The following ADK variants were observed in gnomAD, a reference collection of about 807,000 sequenced individuals.
The protein encoded by ADK is adenosine kinase.
In ADK, 24 loss-of-function variants were observed where a neutral mutation model predicts 44.7. The observed-to-expected ratio is 0.54, with a 90% CI of 0.39 to 0.76. ADK has a LOEUF of 0.76. Among genes scored for constraint, ADK ranks in the 30% least tolerant of loss-of-function variants. The pLI is 0.00. For missense variants in ADK, 321 were observed against 425.1 expected (o/e 0.76, Z 2.15); for synonymous variants, 128 against 142.6 (o/e 0.90, Z 0.73).
chr10:74,569,081 C>T (rs1850820756), intron 7 of ADK, among the ~76,000 whole-genome samples: 1 of 152,162 alleles, frequency 6.6e-6, no homozygotes, highest in African/African-American at 2.4e-5. Context: ...CCAGCTTCAT[C>T]CATGTCCCTA....
At chr10:74,575,544 A>G (rs1234685997) in intron 7 of ADK, among the ~76,000 whole-genome samples, 1 of 152,212 alleles carries the variant, frequency 6.6e-6, no homozygotes, top group South Asian at 2.1e-4. Context: ...TAATTCACTT[A>G]GTACCTACAT....
At chr10:74,180,584 T>C (rs867508336) in intron 1 of ADK, among the ~76,000 whole-genome samples, 1 of 150,704 alleles carries the variant, frequency 6.6e-6, no homozygotes, top group African/African-American at 2.5e-5. Context: ...TCAGCCTCTC[T>C]AGTAGCTGGG....
chr10:74,205,618 G>A lies in ADK; in HGVS notation c.140+4780G>A, dbSNP rs1211885480. ...GTGAACCTGGGAGGCGGAGGTTGCA[G>A]TAAGCTGAGATTGCACCACTGCACT... On this transcript the variant is annotated intron_variant, in intron 2 of 10. Coordinates refer to ENST00000539909, the MANE Select transcript of ADK (RefSeq NM_006721.4). Among the ~76,000 whole-genome samples, 3 of 142,326 alleles carry A rather than the reference G, an allele frequency of 2.1e-5. No individual in the cohort carries two copies. The Admixed American group carries it at 2.2e-4, about 10-fold the overall frequency. 93.4% of individuals were successfully genotyped at this position (142,326 alleles called of 152,430 possible). A position where few individuals can be genotyped will look rare whatever the true frequency, so the allele number is the denominator to read the frequency against.
At chr10:74,235,373 C>T (rs1195714444) in intron 3 of ADK, among the ~76,000 whole-genome samples, 1 of 152,062 alleles carries the variant, frequency 6.6e-6, no homozygotes, top group African/African-American at 2.4e-5. Context: ...CTCACTCTGT[C>T]GCCTAGACTG....
chr10:74,176,670 C>A (rs1842349853), intron 1 of ADK: 2 of 1,430,684 alleles, frequency 1.4e-6, no homozygotes, highest in South Asian at 1.5e-5. Context: ...CAGCCCTTCG[C>A]ACGGGGCGGA....
intron 6 of ADK, among the ~76,000 whole-genome samples, chr10:74,484,530 C>T (rs1472115626): frequency 6.6e-6 from 1 of 152,156 alleles, no homozygotes; most frequent in Non-Finnish European, 1.5e-5. Context: ...AATGTCAATT[C>T]TCCCTACAGT....
intron 6 of ADK, among the ~76,000 whole-genome samples, chr10:74,515,414 G>A (rs181161592): frequency 3.3e-5 from 5 of 152,268 alleles, no homozygotes; most frequent in Non-Finnish European, 5.9e-5. Flanking sequence ...TGAGACTGGG[G>A]CCACAAGGCT....
chr10:74,173,780 T>C lies in ADK; in HGVS notation c.65+22437T>C, dbSNP rs568499168. Among the ~76,000 whole-genome samples, 10 of 152,278 alleles carry C rather than the reference T, an allele frequency of 6.6e-5. No homozygotes were observed. In the South Asian group the frequency reaches 2.1e-3, roughly 32 times the overall value. On this transcript the variant is annotated intron_variant, in intron 1 of 10. Coordinates refer to ENST00000539909, the MANE Select transcript of ADK (RefSeq NM_006721.4). ...ATCAAAGGTAGGTGTTACCAAAGTA[T>C]GTTAAGCATGAGCAAAAGTGCATTT...
intron 6 of ADK, among the ~76,000 whole-genome samples, chr10:74,426,307 G>C (rs1341584796): frequency 1.3e-5 from 2 of 152,156 alleles, no homozygotes; most frequent in East Asian, 3.8e-4. Context: ...ATAATTTTGT[G>C]AAGGTTATTC....
chr10:74,579,287 A>G (rs752196547), intron 7 of ADK, among the ~76,000 whole-genome samples: 3 of 152,052 alleles, frequency 2.0e-5, no homozygotes, highest in Non-Finnish European at 4.4e-5. Context: ...ATATCTGATC[A>G]AGTGGTCTTG....
At position 74,189,867 on chromosome 10, in the gene ADK, C is replaced by CT. The variant is rs932962388; in HGVS notation, c.66-10887dup. ...ATAATATTTGGCCTTTTGTAGCTGG[C>CT]TTTTTTTTTTAACTAAGTATGTTTT... On this transcript the variant is annotated intron_variant, in intron 1 of 10. Coordinates refer to ENST00000539909, the MANE Select transcript of ADK (RefSeq NM_006721.4). 3.0e-4 allele frequency among the ~76,000 whole-genome samples: 45 copies of CT among 148,066 alleles called. No individual in the cohort carries two copies. In the South Asian group the frequency reaches 4.9e-3, roughly 16 times the overall value.
chr10:74,425,275 A>G (rs1028755522), intron 6 of ADK, among the ~76,000 whole-genome samples: 7 of 152,182 alleles, frequency 4.6e-5, no homozygotes, highest in African/African-American at 1.7e-4. Flanking sequence ...TTCAGGGAAG[A>G]TGTATTTACC....
At chr10:74,654,577 G>A (rs1006831858) in intron 9 of ADK, among the ~76,000 whole-genome samples, 10 of 152,170 alleles carry the variant, frequency 6.6e-5, no homozygotes, top group Non-Finnish European at 4.4e-5. Context: ...TTGGGAGGCC[G>A]AGGTGGGCAG....
intron 1 of ADK, among the ~76,000 whole-genome samples, chr10:74,177,474 C>T (rs541252620): frequency 3.2e-4 from 48 of 152,232 alleles, no homozygotes; most frequent in African/African-American, 1.1e-3. Flanking sequence ...AGATACTGGG[C>T]ATGTAGCGAA....
At chr10:74,680,723 G>A (rs1344855117) in intron 10 of ADK, among the ~76,000 whole-genome samples, 1 of 152,156 alleles carries the variant, frequency 6.6e-6, no homozygotes, top group Non-Finnish European at 1.5e-5. Context: ...AACCTCTGAT[G>A]TTTTAAGGCT....
chr10:74,179,615 C>T (rs555550077), intron 1 of ADK, among the ~76,000 whole-genome samples: 5 of 152,288 alleles, frequency 3.3e-5, no homozygotes, highest in Non-Finnish European at 7.4e-5. Context: ...GCCATGGCAA[C>T]GTTCAGACCT....
chr10:74,646,092 A>G (rs1446504592), intron 9 of ADK, among the ~76,000 whole-genome samples: 1 of 152,238 alleles, frequency 6.6e-6, no homozygotes, highest in Non-Finnish European at 1.5e-5. Flanking sequence ...CACGAACTTC[A>G]TCAATAATTG....
chr10:74,156,251 T>G (rs1286704664), intron 1 of ADK, among the ~76,000 whole-genome samples: 1 of 152,202 alleles, frequency 6.6e-6, no homozygotes, highest in Non-Finnish European at 1.5e-5. Flanking sequence ...GACTGAATAT[T>G]CAGCCTCAAA....
chr10:74,615,035 C>T (rs1417092486), intron 9 of ADK, among the ~76,000 whole-genome samples: 3 of 152,126 alleles, frequency 2.0e-5, no homozygotes, highest in Non-Finnish European at 4.4e-5. Context: ...TTCATTCTTC[C>T]TTTTGTACAA....
Sources: allele counts gnomAD v4.1 joint callset (sites outside exome capture counted in the v4.1 genomes callset), GRCh38; gene constraint gnomAD v4.1.1; transcripts MANE v1.5; gene names NCBI Gene and HGNC (gene_info 2026-07-23, HGNC 2026-07-21).